Variants in UPP2 observed in about 807,000 individuals in gnomAD.
The protein encoded by UPP2 is uridine phosphorylase 2.
Under a neutral mutation model 26.7 loss-of-function variants are expected in UPP2, and 23 were observed. The observed-to-expected ratio is 0.86, with a 90% CI of 0.62 to 1.22. The LOEUF (loss-of-function observed/expected upper bound fraction) is 1.22. Among genes scored for constraint, UPP2 ranks in the 50% most tolerant of loss-of-function variants. UPP2 has a pLI of 0.00. For missense variants in UPP2, 387 were observed against 396.7 expected (o/e 0.98, Z 0.21); for synonymous variants, 127 against 141.3 (o/e 0.90, Z 0.72).
chr2:158,098,660 G>A (rs540094665), upstream of UPP2, among the ~76,000 whole-genome samples: 13 of 152,256 alleles, frequency 8.5e-5, no homozygotes, highest in African/African-American at 1.9e-4. Context: ...CATTTTGTAC[G>A]TGTCACCTCA....
chr2:158,083,792 G>GTATATA (rs745830748), intron 3 of UPP2, among the ~76,000 whole-genome samples: 6 of 147,954 alleles, frequency 4.1e-5, no homozygotes, highest in Non-Finnish European at 8.9e-5. Context: ...ATTCCATGGT[G>GTATATA]TATATATATA....
intron 3 of UPP2, among the ~76,000 whole-genome samples, chr2:158,081,055 C>T (rs906729803): frequency 2.6e-5 from 4 of 152,130 alleles, no homozygotes; most frequent in Non-Finnish European, 5.9e-5. Context: ...AGTGTTGTTA[C>T]ATCTCAAATG....
At chr2:158,020,370 G>C (rs904094938) in intron 3 of UPP2, among the ~76,000 whole-genome samples, 1 of 152,246 alleles carries the variant, frequency 6.6e-6, no homozygotes, top group Non-Finnish European at 1.5e-5. Flanking sequence ...CAGGGAGACA[G>C]CTCTGTTAAC....
upstream of UPP2, among the ~76,000 whole-genome samples, chr2:158,099,590 G>A (rs1683041181): frequency 6.6e-6 from 1 of 152,140 alleles, no homozygotes; most frequent in South Asian, 2.1e-4. Flanking sequence ...GATACCCCAT[G>A]GAGAGACATC....
At chr2:158,110,673 T>C (rs886542862) in intron 2 of UPP2, among the ~76,000 whole-genome samples, 7 of 152,218 alleles carry the variant, frequency 4.6e-5, no homozygotes, top group East Asian at 1.9e-4. Context: ...CTCTCCAGCA[T>C]CTGTTGTTTC....
chr2:158,082,198 C>G (rs917376363), intron 3 of UPP2, among the ~76,000 whole-genome samples: 3 of 152,114 alleles, frequency 2.0e-5, no homozygotes, highest in African/African-American at 7.2e-5. Context: ...AATCTGCCTG[C>G]CTTGGCCTCC....
chr2:158,123,662 G>A (rs1450408720), intron 5 of UPP2, 87 bp from the exon 6 acceptor site: 13 of 1,496,810 alleles, frequency 8.7e-6, no homozygotes, highest in African/African-American at 4.2e-5. Flanking sequence ...CAGCGGCAGC[G>A]TGCTCCAGCC....
At chr2:158,034,358 T>C (rs1158156282) in intron 3 of UPP2, among the ~76,000 whole-genome samples, 2 of 152,166 alleles carry the variant, frequency 1.3e-5, no homozygotes, top group African/African-American at 4.8e-5. Flanking sequence ...GAAGCCAAGG[T>C]CCTGGCTCCT....
intron 1 of UPP2, among the ~76,000 whole-genome samples, chr2:158,103,824 C>A (rs986751161): frequency 6.6e-6 from 1 of 152,102 alleles, no homozygotes; most frequent in African/African-American, 2.4e-5. Flanking sequence ...GGTTCACTGA[C>A]CACACACTGT....
chr2:158,109,647 C>T (rs143802263), intron 2 of UPP2, among the ~76,000 whole-genome samples: 14 of 152,280 alleles, frequency 9.2e-5, no homozygotes, highest in Non-Finnish European at 1.6e-4. Context: ...ATTCTAGTCA[C>T]TGGAACCCAG....
intron 6 of UPP2, among the ~76,000 whole-genome samples, chr2:158,127,108 T>C (rs1047700193): frequency 6.6e-6 from 1 of 152,226 alleles, no homozygotes; most frequent in Non-Finnish European, 1.5e-5. Flanking sequence ...AAGGAGGCCT[T>C]GGGTCCACGT....
intron 6 of UPP2, among the ~76,000 whole-genome samples, chr2:158,124,612 C>T (rs935885863): frequency 3.9e-5 from 6 of 152,110 alleles, no homozygotes; most frequent in African/African-American, 9.7e-5. Flanking sequence ...GGGAGAAGAA[C>T]GAGAAGGCGA....
chr2:158,104,952 G>C (rs1196719994), intron 1 of UPP2, among the ~76,000 whole-genome samples: 1 of 65,346 alleles, frequency 1.5e-5, no homozygotes, highest in African/African-American at 9.8e-5. Context: ...GAAGGGAAGG[G>C]AAGGGAAGGG....
intron 3 of UPP2, among the ~76,000 whole-genome samples, chr2:158,092,325 A>G (rs1296655038): frequency 6.6e-6 from 1 of 152,192 alleles, no homozygotes; most frequent in Non-Finnish European, 1.5e-5. Context: ...TTCAGGATAT[A>G]AAGAGAAAAT....
At chr2:158,067,586 C>T (rs1175344282) in intron 3 of UPP2, among the ~76,000 whole-genome samples, 3 of 152,042 alleles carry the variant, frequency 2.0e-5, no homozygotes, top group African/African-American at 4.8e-5. Context: ...TGAATGGTGT[C>T]CCATTATGGG....
chr2:158,027,888 G>T (rs1323555638), intron 3 of UPP2, among the ~76,000 whole-genome samples: 1 of 152,238 alleles, frequency 6.6e-6, no homozygotes, highest in East Asian at 1.9e-4. Flanking sequence ...ATCCTCTAAA[G>T]TCATGGCCTG....
intron 6 of UPP2, among the ~76,000 whole-genome samples, chr2:158,128,816 A>G (rs558418640): frequency 4.1e-4 from 62 of 151,302 alleles, no homozygotes; most frequent in African/African-American, 1.5e-3. Context: ...CACCACTGCC[A>G]CAAGCAAACC....
At chr2:158,087,078 A>G (rs974849067) in intron 3 of UPP2, among the ~76,000 whole-genome samples, 1 of 152,136 alleles carries the variant, frequency 6.6e-6, no homozygotes, top group Admixed American at 6.5e-5. Flanking sequence ...TATTGCTGTT[A>G]GTGGAGTATT....
intron 3 of UPP2, among the ~76,000 whole-genome samples, chr2:158,021,598 T>G (rs1683753292): frequency 6.6e-6 from 1 of 152,254 alleles, no homozygotes. Context: ...GATTTTAATT[T>G]TATTATCTCA....
Sources: allele counts gnomAD v4.1 joint callset (sites outside exome capture counted in the v4.1 genomes callset), GRCh38; gene constraint gnomAD v4.1.1; transcripts MANE v1.5; gene names NCBI Gene and HGNC (gene_info 2026-07-23, HGNC 2026-07-21).